The following PPP3CA variants were observed in gnomAD, a reference collection of about 807,000 sequenced individuals.
PPP3CA encodes protein phosphatase 3 catalytic subunit alpha, also known as CAM-PRP catalytic subunit.
In PPP3CA, 14 loss-of-function variants were observed where a neutral mutation model predicts 66.5. The ratio of observed to expected loss-of-function variants is 0.21; its 90% CI spans 0.14 to 0.33. The LOEUF is 0.33. PPP3CA is among the 10% of genes least tolerant of loss of function. The pLI, the probability that PPP3CA is intolerant of heterozygous loss-of-function variation, is 1.00. For synonymous variants in PPP3CA, 232 were observed against 226.2 expected (o/e 1.03, Z -0.23); for missense variants, 317 against 639.5 (o/e 0.50, Z 5.44).
intron 2 of PPP3CA, among the ~76,000 whole-genome samples, chr4:101,134,042 T>C (rs1194791880): frequency 6.6e-6 from 1 of 152,216 alleles, no homozygotes. Context: ...TGGCTAGCTA[T>C]ATGCAGAAAA....
At position 101,093,799 on chromosome 4, in the gene PPP3CA, G is replaced by A. The variant is rs1730068384; in HGVS notation, c.759C>T (p.Val253=). ...ACCTGTAGAAGTATGAACACCCCCT[G>A]ACTGTGTTGTGAGTGAAATGTTCCT... ...KTQEHFTHNT[V]RGCSYFYSYP... Residue 253 remains valine, a synonymous_variant, in exon 6 of 14, where the codon GTC becomes GTT. Coordinates refer to ENST00000394854, the MANE Select transcript of PPP3CA (RefSeq NM_000944.5). The A allele has an allele frequency of 6.2e-7, 1 of 1,612,704 alleles. No individual in the cohort carries two copies.
intron 1 of PPP3CA, among the ~76,000 whole-genome samples, chr4:101,292,416 G>A (rs903829262): frequency 6.6e-6 from 1 of 152,052 alleles, no homozygotes; most frequent in African/African-American, 2.4e-5. Context: ...AGAAGAGCTC[G>A]TCCTAAACCA....
intron 11 of PPP3CA, 31 bp downstream of exon 11, chr4:101,040,451 T>C: frequency 6.7e-7 from 1 of 1,503,468 alleles, no homozygotes. Context: ...TAATACAATT[T>C]GAAACAAAAA....
chr4:101,116,054 ATTC>A (rs1164643461), intron 2 of PPP3CA, among the ~76,000 whole-genome samples: 1 of 152,000 alleles, frequency 6.6e-6, no homozygotes, highest in African/African-American at 2.4e-5. Context: ...AGTGCTCTTA[ATTC>A]TTGACTCATT....
At chr4:101,031,369 A>C (rs1423280749) in intron 12 of PPP3CA, among the ~76,000 whole-genome samples, 1 of 152,184 alleles carries the variant, frequency 6.6e-6, no homozygotes, top group African/African-American at 2.4e-5. Context: ...TTTCTGTTAA[A>C]GCCTCATCTA....
chr4:101,061,178 A>C lies in PPP3CA; in HGVS notation c.1082-17T>G. The C allele has an allele frequency of 6.2e-7, 1 of 1,604,566 alleles. No individual in the cohort carries two copies. Among genetic ancestry groups the C allele is most frequent in the Non-Finnish European group, 8.5e-7 (1 of 1,171,976 alleles). The stretch of plus-strand genomic sequence containing the variant: ...TCTCAGTCACTAAAGAGAGAAAGCA[A>C]AGAAAGAAAAGTCAGGGTTTTCTGT... On this transcript the variant is annotated splice_polypyrimidine_tract_variant and intron_variant, in intron 9 of 13. Coordinates refer to ENST00000394854, the MANE Select transcript of PPP3CA (RefSeq NM_000944.5).
chr4:101,083,777 C>T (rs1729541669), intron 6 of PPP3CA, among the ~76,000 whole-genome samples: 1 of 152,170 alleles, frequency 6.6e-6, no homozygotes. Flanking sequence ...TTTAAGACTC[C>T]TCCCATACGG....
chr4:101,303,923 T>C (rs1397133992), intron 1 of PPP3CA, among the ~76,000 whole-genome samples: 1 of 152,202 alleles, frequency 6.6e-6, no homozygotes, highest in African/African-American at 2.4e-5. Context: ...TCTTCACTGG[T>C]CAAACTTGCA....
At chr4:101,228,926 A>G (rs939592480) in intron 1 of PPP3CA, among the ~76,000 whole-genome samples, 37 of 151,798 alleles carry the variant, frequency 2.4e-4, no homozygotes, top group Middle Eastern at 6.8e-3. Context: ...TGATTTTCCA[A>G]TTAATAAAAT....
chr4:101,106,473 A>AGAAAGAAG (rs1560605300), intron 3 of PPP3CA, among the ~76,000 whole-genome samples: 1 of 43,264 alleles, frequency 2.3e-5, no homozygotes, highest in Admixed American at 2.0e-4. Context: ...AAGAAAAGAA[A>AGAAAGAAG]AGAAAAGAAA....
At chr4:101,169,013 CAAT>C (rs1723785868) in intron 2 of PPP3CA, among the ~76,000 whole-genome samples, 1 of 152,066 alleles carries the variant, frequency 6.6e-6, no homozygotes, top group Non-Finnish European at 1.5e-5. Context: ...CTGAATGAAA[CAAT>C]AATAAAGCTA....
At chr4:101,095,887 T>A (rs1179977582) in intron 5 of PPP3CA, among the ~76,000 whole-genome samples, 1 of 152,152 alleles carries the variant, frequency 6.6e-6, no homozygotes, top group East Asian at 1.9e-4. Context: ...CCTGACCTCA[T>A]GATCCACTTG....
At chr4:101,047,539 CTTATA>C (rs1051593133) in intron 10 of PPP3CA, among the ~76,000 whole-genome samples, 1 of 152,044 alleles carries the variant, frequency 6.6e-6, no homozygotes, top group Non-Finnish European at 1.5e-5. Context: ...ATTTAGAAAT[CTTATA>C]TTATTCTTTT....
intron 1 of PPP3CA, among the ~76,000 whole-genome samples, chr4:101,212,480 G>A (rs1193616937): frequency 6.6e-6 from 1 of 152,058 alleles, no homozygotes; most frequent in Non-Finnish European, 1.5e-5. Flanking sequence ...GTTAGGGGAG[G>A]GAGAGCATCA....
At chr4:101,041,171 G>A (rs1471663773) in intron 10 of PPP3CA, among the ~76,000 whole-genome samples, 1 of 151,990 alleles carries the variant, frequency 6.6e-6, no homozygotes, top group Non-Finnish European at 1.5e-5. Context: ...TGCTAAATTG[G>A]ATTTAGTAAG....
intron 2 of PPP3CA, among the ~76,000 whole-genome samples, chr4:101,188,587 G>T (rs1281980688): frequency 2.0e-5 from 3 of 152,044 alleles, no homozygotes; most frequent in Non-Finnish European, 4.4e-5. Context: ...TTTTAGATAT[G>T]GATTTACATA....
At chr4:101,066,330 C>T (rs910181837) in intron 8 of PPP3CA, among the ~76,000 whole-genome samples, 1 of 152,068 alleles carries the variant, frequency 6.6e-6, no homozygotes, top group Non-Finnish European at 1.5e-5. Flanking sequence ...TAATTATTCA[C>T]CAGACTAAGG....
chr4:101,154,014 A>G (rs1440335720), intron 2 of PPP3CA, among the ~76,000 whole-genome samples: 1 of 152,242 alleles, frequency 6.6e-6, no homozygotes, highest in Non-Finnish European at 1.5e-5. Context: ...CCACTTTTAA[A>G]AGAAAAAAAT....
At chr4:101,313,122 T>G (rs1406343564) in intron 1 of PPP3CA, among the ~76,000 whole-genome samples, 1 of 152,170 alleles carries the variant, frequency 6.6e-6, no homozygotes, top group East Asian at 1.9e-4. Flanking sequence ...TGGGTAGGAC[T>G]GTATTTTTTT....
Sources: allele counts gnomAD v4.1 joint callset (sites outside exome capture counted in the v4.1 genomes callset), GRCh38; gene constraint gnomAD v4.1.1; transcripts MANE v1.5; gene names NCBI Gene and HGNC (gene_info 2026-07-23, HGNC 2026-07-21).